SPATA18: variants seen among roughly 807,000 people sequenced by gnomAD.
SPATA18 encodes the protein mitochondria-eating protein.
Under a neutral mutation model 68.1 loss-of-function variants are expected in SPATA18, and 54 were observed. The observed-to-expected ratio is 0.79, with a 90% CI of 0.64 to 0.99. SPATA18 has a LOEUF of 0.99. SPATA18 is among the 50% of genes least tolerant of loss of function. The probability of loss-of-function intolerance (pLI) is 0.00; values close to 1 mark genes in which losing one functional copy is unlikely to be tolerated. For synonymous variants in SPATA18, 242 were observed against 244.8 expected (o/e 0.99, Z 0.11); for missense variants, 724 against 681.1 (o/e 1.06, Z -0.70).
In SPATA18 at chr4:52,060,968, A is replaced by C. The variant is rs1338974171; in HGVS notation, c.309+71A>C. On this transcript the variant is annotated intron_variant, in intron 3 of 12. Coordinates refer to ENST00000295213, the MANE Select transcript of SPATA18 (RefSeq NM_145263.4). Reference sequence around the variant, plus strand: ...AAAACGAATCAGAAACCTCCAAGAGAAGAAGAGGACTTGATTTTGGTAGAC... The same window carrying C: ...AAAACGAATCAGAAACCTCCAAGAGCAGAAGAGGACTTGATTTTGGTAGAC... 12 of 1,255,464 alleles carry C rather than the reference A, an allele frequency of 9.6e-6. No homozygotes were observed. In the East Asian group the frequency reaches 2.6e-4, roughly 27 times the overall value. 77.8% of individuals were successfully genotyped at this position (1,255,464 alleles called of 1,614,324 possible).
chr4:52,082,737 A>G (rs1741055286), intron 10 of SPATA18: 4 of 1,366,904 alleles, frequency 2.9e-6, no homozygotes, highest in Non-Finnish European at 3.8e-6. Flanking sequence ...TGCTTTATTT[A>G]GGAGATGGAA....
At chr4:52,092,111 T>G (rs1742012560) in intron 11 of SPATA18, among the ~76,000 whole-genome samples, 1 of 152,186 alleles carries the variant, frequency 6.6e-6, no homozygotes, top group Non-Finnish European at 1.5e-5. Context: ...GCAGTGAGAA[T>G]TTCAAGCCAG....
chr4:52,063,413 C>T (rs901633008), intron 4 of SPATA18, among the ~76,000 whole-genome samples: 21 of 152,212 alleles, frequency 1.4e-4, no homozygotes, highest in Admixed American at 6.5e-5. Flanking sequence ...CACCTCCACA[C>T]ATATCCATTC....
intron 1 of SPATA18, among the ~76,000 whole-genome samples, chr4:52,059,977 T>C (rs999711965): frequency 6.6e-6 from 1 of 152,228 alleles, no homozygotes; most frequent in Non-Finnish European, 1.5e-5. Context: ...CTCAGTGGCT[T>C]ACACACAAAC....
intron 10 of SPATA18, chr4:52,082,742 A>G: frequency 7.4e-7 from 1 of 1,358,122 alleles, no homozygotes; most frequent in Non-Finnish European, 9.5e-7. Context: ...TATTTAGGAG[A>G]TGGAATCAGT....
At chr4:52,077,173 C>A in intron 7 of SPATA18, 133 bp downstream of exon 7, 1 of 949,080 alleles carries the variant, frequency 1.1e-6, no homozygotes, top group Non-Finnish European at 1.5e-6. Flanking sequence ...GTCTCCCCAT[C>A]TGTCTCCTTC....
At chr4:52,093,290 T>C (rs1269305841) in intron 11 of SPATA18, among the ~76,000 whole-genome samples, 1 of 152,164 alleles carries the variant, frequency 6.6e-6, no homozygotes, top group East Asian at 1.9e-4. Context: ...TCAGATGAGA[T>C]AGAGATTCCT....
intron 6 of SPATA18, among the ~76,000 whole-genome samples, chr4:52,074,291 A>G (rs1265052345): frequency 1.3e-5 from 2 of 152,194 alleles, no homozygotes; most frequent in East Asian, 1.9e-4. Context: ...TAGCAGTGCC[A>G]CAAAGCCATA....
intron 11 of SPATA18, among the ~76,000 whole-genome samples, chr4:52,093,470 T>A (rs1307383743): frequency 6.6e-6 from 1 of 152,196 alleles, no homozygotes; most frequent in Non-Finnish European, 1.5e-5. Flanking sequence ...GGCACAATCC[T>A]TTTGCTCTTA....
At chr4:52,090,955 T>C (rs534269951) in intron 11 of SPATA18, among the ~76,000 whole-genome samples, 1 of 152,304 alleles carries the variant, frequency 6.6e-6, no homozygotes, top group Non-Finnish European at 1.5e-5. Flanking sequence ...TCTTTTAACA[T>C]AATCCCATAT....
intron 5 of SPATA18, among the ~76,000 whole-genome samples, chr4:52,070,243 T>A (rs1739687787): frequency 1.3e-5 from 2 of 152,180 alleles, no homozygotes; most frequent in East Asian, 3.9e-4. Flanking sequence ...CAATTTTGGA[T>A]CCTAACTTTT....
chr4:52,078,724 T>C lies in SPATA18; in HGVS notation c.1021-11T>C. ...TTTCACCAAATAAATTTGCTGCATT[T>C]TTATGTGCAGGAGGCATTCCATGTA... On this transcript the variant is annotated splice_polypyrimidine_tract_variant and intron_variant, in intron 7 of 12. Transcript: ENST00000295213. The C allele has an allele frequency of 6.6e-7, 1 of 1,522,638 alleles. No homozygotes were observed. Among genetic ancestry groups the C allele is most frequent in the South Asian group, 1.3e-5 (1 of 77,744 alleles). The allele number at this position is 1,522,638 out of a possible 1,614,324, so 94.3% of individuals were successfully genotyped here. A position where few individuals can be genotyped will look rare whatever the true frequency, so the allele number is the denominator to read the frequency against.
Position 52,079,834 on chromosome 4 carries a change from T to G in SPATA18, c.1270T>G (p.Cys424Gly). 1 of 1,614,124 alleles carries G rather than the reference T, an allele frequency of 6.2e-7. No individual in the cohort carries two copies. Among genetic ancestry groups the G allele is most frequent in the Admixed American group, 1.7e-5 (1 of 60,020 alleles). Residue 424 changes from cysteine (C) to glycine (G), a missense_variant, in exon 9 of 13, where the codon TGT becomes GGT. Coordinates refer to ENST00000295213, the MANE Select transcript of SPATA18 (RefSeq NM_145263.4). The part of the protein sequence containing the change: ...CLLSDFIQEI[C>G]CIAFAMQALE... The stretch of plus-strand genomic sequence containing the variant: ...TCTCAGTGACTTCATCCAGGAGATA[T>G]GTTGCATTGCCTTTGCAATGCAGGC...
intron 4 of SPATA18, among the ~76,000 whole-genome samples, chr4:52,063,733 G>A (rs1348247655): frequency 1.3e-5 from 2 of 152,058 alleles, no homozygotes; most frequent in African/African-American, 4.8e-5. Flanking sequence ...TCCTGGTGAC[G>A]GACATGAGGA....
In SPATA18 at chr4:52,051,855, G is replaced by GC. The variant is rs1273146600; in HGVS notation, c.87+64_87+65insC. 2.0e-6 allele frequency: 3 copies of GC among 1,495,030 alleles called. No individual in the cohort carries two copies. The Admixed American group carries it at 5.1e-5, about 25-fold the overall frequency. 92.6% of individuals were successfully genotyped at this position (1,495,030 alleles called of 1,614,324 possible). On this transcript the variant is annotated intron_variant, in intron 1 of 12. Transcript: ENST00000295213. The stretch of plus-strand genomic sequence containing the variant: ...ATAGGTTCCAGCACAGCCCTTGTCG[G>GC]GGATTTCTTAGGGCTGGAGTTGGTG...
chr4:52,062,353 C>CT, intron 4 of SPATA18, 21 bp downstream of exon 4: 1 of 1,480,830 alleles, frequency 6.8e-7, no homozygotes, highest in Non-Finnish European at 9.3e-7. Context: ...TGCAAGTTAT[C>CT]TTTTTCCAAA....
Position 52,078,727 on chromosome 4 carries a change from A to C in SPATA18, c.1021-8A>C. 6.5e-7 allele frequency: 1 copy of C among 1,529,924 alleles called. No homozygotes were observed. The highest frequency in any genetic ancestry group is 1.4e-5 in the African/African-American group (1 of 73,636). 94.8% of individuals were successfully genotyped at this position (1,529,924 alleles called of 1,614,324 possible). A position where few individuals can be genotyped will look rare whatever the true frequency, so the allele number is the denominator to read the frequency against. ...CACCAAATAAATTTGCTGCATTTTT[A>C]TGTGCAGGAGGCATTCCATGTAGCA... On this transcript the variant is annotated splice_region_variant and splice_polypyrimidine_tract_variant and intron_variant, in intron 7 of 12. Coordinates refer to ENST00000295213, the MANE Select transcript of SPATA18 (RefSeq NM_145263.4).
chr4:52,060,659 C>T (rs199804628), intron 2 of SPATA18, 123 bp from the exon 3 acceptor site: 9 of 1,026,232 alleles, frequency 8.8e-6, no homozygotes, highest in Non-Finnish European at 1.3e-5. Flanking sequence ...TGTATTCTCT[C>T]TTTTTTTTTT....
At chr4:52,055,384 ACT>A (rs1738250872) in intron 1 of SPATA18, among the ~76,000 whole-genome samples, 1 of 152,184 alleles carries the variant, frequency 6.6e-6, no homozygotes. Context: ...CATTGCCAAT[ACT>A]AGTGATTCTC....
Sources: gnomAD v4.1 joint callset for allele counts (sites outside exome capture counted in the v4.1 genomes callset) on GRCh38, gnomAD v4.1.1 for gene constraint, MANE v1.5 for transcripts, NCBI Gene and HGNC (gene_info 2026-07-23, HGNC 2026-07-21) for gene names.